ASPH: variants seen among roughly 807,000 people sequenced by gnomAD.
ASPH encodes aspartyl/asparaginyl beta-hydroxylase.
In ASPH, 100 loss-of-function variants were observed where a neutral mutation model predicts 118.4. The observed-to-expected ratio is 0.84, with a 90% confidence interval of 0.72 to 1.00. ASPH has a LOEUF of 1.00. ASPH is among the 50% of genes least tolerant of loss of function. The pLI, the probability that ASPH is intolerant of heterozygous loss-of-function variation, is 0.00. For synonymous variants in ASPH, 315 were observed against 325.6 expected, an observed-to-expected ratio of 0.97 and a Z score of 0.35; for missense variants, 920 against 919.5, an observed-to-expected ratio of 1.00 and a Z score of -0.01.
chr8:61,673,421 C>T (rs1158850867), intron 3 of ASPH, among the ~76,000 whole-genome samples: 2 of 152,184 alleles, frequency 1.3e-5, no homozygotes, highest in African/African-American at 4.8e-5. Flanking sequence ...GAGAACCCAG[C>T]GTCTTTGCAA....
intron 3 of ASPH, chr8:61,658,071 T>C (rs911673691): frequency 9.2e-5 from 14 of 152,192 alleles, no homozygotes; most frequent in Admixed American, 2.6e-4. Flanking sequence ...CATAGGTATA[T>C]GAAATTTGAG....
chr8:61,614,855 A>G (rs1848531561), intron 14 of ASPH, among the ~76,000 whole-genome samples: 1 of 152,072 alleles, frequency 6.6e-6, no homozygotes, highest in Non-Finnish European at 1.5e-5. Context: ...CTAACTTTAT[A>G]TCCAAATATA....
intron 16 of ASPH, among the ~76,000 whole-genome samples, chr8:61,567,736 A>G (rs1474839886): frequency 6.6e-6 from 1 of 152,242 alleles, no homozygotes; most frequent in African/African-American, 2.4e-5. Flanking sequence ...CATATTGAAC[A>G]AAACTGACAA....
At chr8:61,675,944 A>G (rs1472926661) in intron 3 of ASPH, 2 of 1,505,306 alleles carry the variant, frequency 1.3e-6, no homozygotes, top group East Asian at 2.3e-5. Flanking sequence ...GCAAGATCAC[A>G]TGGTTGACTT....
chr8:61,682,131 T>C (rs1481848145), intron 2 of ASPH, among the ~76,000 whole-genome samples: 1 of 151,966 alleles, frequency 6.6e-6, no homozygotes, highest in Non-Finnish European at 1.5e-5. Context: ...CCTAGGAAAA[T>C]GGTTAACTTG....
intron 14 of ASPH, among the ~76,000 whole-genome samples, chr8:61,617,866 G>A (rs2150478426): frequency 6.7e-6 from 1 of 148,526 alleles, no homozygotes; most frequent in Non-Finnish European, 1.5e-5. Flanking sequence ...CAGGGAGGAG[G>A]AGGTTGCAGT....
intron 14 of ASPH, among the ~76,000 whole-genome samples, chr8:61,616,708 T>C (rs1849153983): frequency 6.6e-6 from 1 of 152,202 alleles, no homozygotes; most frequent in Admixed American, 6.5e-5. Context: ...TACAAACTGT[T>C]CCTCTGCTCA....
At chr8:61,511,747 G>T (rs905964734) in intron 24 of ASPH, among the ~76,000 whole-genome samples, 1 of 152,130 alleles carries the variant, frequency 6.6e-6, no homozygotes, top group Non-Finnish European at 1.5e-5. Flanking sequence ...GGGATTACAG[G>T]CATTAGCCAC....
At chr8:61,706,209 G>A (rs1260406622) in intron 1 of ASPH, among the ~76,000 whole-genome samples, 1 of 151,346 alleles carries the variant, frequency 6.6e-6, no homozygotes, top group African/African-American at 2.4e-5. Flanking sequence ...GACCACTTGA[G>A]CCCAGGAGTT....
chr8:61,523,469 C>T (rs1814015639), intron 22 of ASPH, among the ~76,000 whole-genome samples: 1 of 151,912 alleles, frequency 6.6e-6, no homozygotes, highest in African/African-American at 2.4e-5. Flanking sequence ...GCACGTGCCA[C>T]TATGCCCAGC....
chr8:61,534,725 G>C (rs747159519), intron 21 of ASPH, among the ~76,000 whole-genome samples: 1 of 152,210 alleles, frequency 6.6e-6, no homozygotes, highest in Non-Finnish European at 1.5e-5. Flanking sequence ...ATATTTTCTT[G>C]TATGTGGGAA....
intron 21 of ASPH, among the ~76,000 whole-genome samples, chr8:61,538,143 A>T (rs1292189048): frequency 1.3e-5 from 2 of 152,228 alleles, no homozygotes; most frequent in Non-Finnish European, 2.9e-5. Flanking sequence ...AAAACAAAAA[A>T]CAACAAAAAA....
intron 14 of ASPH, among the ~76,000 whole-genome samples, chr8:61,613,388 T>C (rs1301099479): frequency 6.6e-6 from 1 of 152,212 alleles, no homozygotes; most frequent in Non-Finnish European, 1.5e-5. Context: ...TTCCTTAAAA[T>C]AAATCTCTAT....
At chr8:61,665,133 A>C in intron 3 of ASPH, 3 of 1,471,024 alleles carry the variant, frequency 2.0e-6, no homozygotes, top group South Asian at 3.2e-5. Flanking sequence ...CCAATGATAC[A>C]TTCAATGGCT....
intron 18 of ASPH, among the ~76,000 whole-genome samples, chr8:61,556,298 A>G (rs1827836620): frequency 6.6e-6 from 1 of 152,238 alleles, no homozygotes; most frequent in Admixed American, 6.5e-5. Flanking sequence ...CCGTTAAAGC[A>G]TCACTTTAAC....
At chr8:61,586,505 C>T (rs759050531) in intron 14 of ASPH, among the ~76,000 whole-genome samples, 2 of 152,122 alleles carry the variant, frequency 1.3e-5, no homozygotes, top group Non-Finnish European at 2.9e-5. Flanking sequence ...AAGAAGAGCA[C>T]ATGGAATCAT....
chr8:61,665,537 T>C, intron 3 of ASPH: 3 of 1,581,362 alleles, frequency 1.9e-6, no homozygotes, highest in Non-Finnish European at 2.6e-6. Flanking sequence ...TCTCTCTTCA[T>C]TCTTACTTTC....
chr8:61,642,971 T>C lies in ASPH; in HGVS notation c.758-51A>G, dbSNP rs779659836. The C allele has an allele frequency of 6.1e-6, 9 of 1,473,708 alleles. No homozygotes were observed. The East Asian group carries it at 1.9e-4, about 31-fold the overall frequency. The allele number at this position is 1,473,708 out of a possible 1,614,324, so 91.3% of individuals were successfully genotyped here. ...AAAATAAGTATTAACTGAGTCATTC[T>C]ATACAATTGTTCAGTTAAAACAAAA... On this transcript the variant is annotated intron_variant, in intron 9 of 24. Coordinates refer to ENST00000379454, the MANE Select transcript of ASPH (RefSeq NM_004318.4).
At chr8:61,690,740 A>T (rs780138189) in intron 1 of ASPH, among the ~76,000 whole-genome samples, 5 of 152,248 alleles carry the variant, frequency 3.3e-5, no homozygotes, top group Admixed American at 6.5e-5. Context: ...TTAAAAATTT[A>T]AAAGCTTTGA....
Sources: allele counts gnomAD v4.1 joint callset (sites outside exome capture counted in the v4.1 genomes callset), GRCh38; gene constraint gnomAD v4.1.1; transcripts MANE v1.5; gene names NCBI Gene and HGNC (gene_info 2026-07-23, HGNC 2026-07-21).